DDX11: variants seen among roughly 807,000 people sequenced by gnomAD.
DDX11 encodes ATP-dependent DNA helicase DDX11.
Under a neutral mutation model 125.2 loss-of-function variants are expected in DDX11, and 72 were observed. The observed-to-expected ratio is 0.58, with a 90% CI of 0.48 to 0.70. The LOEUF (loss-of-function observed/expected upper bound fraction) is 0.70. Among genes scored for constraint, DDX11 ranks in the 30% least tolerant of loss-of-function variants. DDX11 has a pLI of 0.00. For synonymous variants in DDX11, 347 were observed against 452.6 expected (o/e 0.77, Z 2.96); for missense variants, 883 against 1,165.0 (o/e 0.76, Z 3.52).
At chr12:31,075,239 C>T (rs1592540577) in intron 1 of DDX11, among the ~76,000 whole-genome samples, 2 of 151,244 alleles carry the variant, frequency 1.3e-5, no homozygotes, top group Middle Eastern at 6.8e-3. Context: ...ATGATTTAGC[C>T]TGTGCTGCTT....
chr12:31,083,808 T>G lies in DDX11; in HGVS notation c.145-5T>G. ...TGTTTCTAAAGATCATTTTTCTTCC[T>G]GCAGGGGAAGTCCTTAAGTCTTATT... On this transcript the variant is annotated splice_region_variant and splice_polypyrimidine_tract_variant and intron_variant, in intron 2 of 26. Coordinates refer to ENST00000542838, the MANE Select transcript of DDX11 (RefSeq NM_030653.4). The G allele has an allele frequency of 1.2e-6, 2 of 1,611,970 alleles. No individual in the cohort carries two copies. The highest frequency in any genetic ancestry group is 1.7e-6 in the Non-Finnish European group (2 of 1,179,820).
Position 31,104,200 on chromosome 12 carries a change from T to C in DDX11, c.*364T>C. The C allele has an allele frequency of 8.9e-7, 1 of 1,126,768 alleles. No homozygotes were observed. The allele number at this position is 1,126,768 out of a possible 1,614,324, so 69.8% of individuals were successfully genotyped here. A position where few individuals can be genotyped will look rare whatever the true frequency, so the allele number is the denominator to read the frequency against. On this transcript the variant is annotated 3_prime_UTR_variant, in exon 27 of 27. Transcript: ENST00000542838. Reference sequence around the variant, plus strand: ...TGGCATCTCCGTCCTGCCCACCTTCTTAAGAGGCGAGATGGAGCAGGCCCA... The same window carrying C: ...TGGCATCTCCGTCCTGCCCACCTTCCTAAGAGGCGAGATGGAGCAGGCCCA...
intron 10 of DDX11, among the ~76,000 whole-genome samples, 164 bp downstream of exon 10, chr12:31,092,035 T>G (rs1944338346): frequency 6.6e-6 from 1 of 152,226 alleles, no homozygotes; most frequent in African/African-American, 2.4e-5. Context: ...GGCTTTCCAG[T>G]GCATCGGGGG....
At chr12:31,092,967 C>T in intron 11 of DDX11, 75 bp downstream of exon 11, 1 of 1,573,686 alleles carries the variant, frequency 6.4e-7, no homozygotes, top group Non-Finnish European at 8.7e-7. Context: ...AGGCAGGCAG[C>T]ACTTTGGTTC....
chr12:31,091,913 G>A (rs779798499), intron 10 of DDX11, 42 bp downstream of exon 10: 4 of 1,613,152 alleles, frequency 2.5e-6, no homozygotes, highest in African/African-American at 1.3e-5. Context: ...CTGCTGTGAC[G>A]TAAAGGGACT....
rs1413495596 is a variant in DDX11 at position 31,089,149 on chromosome 12, C to T, written c.790C>T (p.Gln264Ter). 1.9e-6 allele frequency: 3 copies of T among 1,613,088 alleles called. No homozygotes were observed. The highest frequency in any genetic ancestry group is 2.5e-6 in the Non-Finnish European group (3 of 1,179,056). Residue 264 changes from glutamine to a stop codon, truncating the protein, a stop_gained and splice_region_variant, in exon 7 of 27, where the codon CAG (glutamine) becomes TAG (stop). Coordinates refer to ENST00000542838, the MANE Select transcript of DDX11 (RefSeq NM_030653.4). LOFTEE classifies it high-confidence loss of function. Reference sequence around the variant, plus strand: ...TCGGCTGGTCTCCCTTGGCTCCCGGCAGGTAAACAGTAGCCAGTATTTCCA... The same window carrying T: ...TCGGCTGGTCTCCCTTGGCTCCCGGTAGGTAAACAGTAGCCAGTATTTCCA... Reference protein sequence around the residue: ...DVRLVSLGSRQNLCVNEDVKS... With the variant: ...DVRLVSLGSR
rs578071430 is a variant in DDX11 at position 31,084,771 on chromosome 12, C to A, written c.480+102C>A. 4.0e-5 allele frequency: 46 copies of A among 1,151,228 alleles called. No homozygotes were observed. In the East Asian group the frequency reaches 1.1e-3, roughly 27 times the overall value. The allele number at this position is 1,151,228 out of a possible 1,614,324, so 71.3% of individuals were successfully genotyped here. ...AGGGCCTTGGTCTCCCCTCCGTGAC[C>A]CTCACTGGCTATGTGCTCCCGTACA... On this transcript the variant is annotated intron_variant, in intron 4 of 26. Transcript: ENST00000542838.
chr12:31,082,888 G>A (rs1157997854), intron 2 of DDX11, among the ~76,000 whole-genome samples: 3 of 152,172 alleles, frequency 2.0e-5, no homozygotes, highest in Non-Finnish European at 4.4e-5. Flanking sequence ...TAGGTGGCGT[G>A]TTCTCCTTGG....
chr12:31,077,912 A>G (rs1409526765), intron 1 of DDX11: 2 of 305,976 alleles, frequency 6.5e-6, no homozygotes, highest in East Asian at 1.7e-4. Flanking sequence ...AGCTGTGCTT[A>G]TGGTCCTCTG....
rs1298061286 is a variant in DDX11 at position 31,103,691 on chromosome 12, T to G, written c.2651T>G (p.Val884Gly). ...LPAWIRARVE[V>G]KATFGPAIAA... is the part of the protein sequence containing the mutation. ...GCCTGGATCCGAGCCCGTGTGGAGG[T>G]CAAAGCTACCTTTGGCCCCGCCATT... The change falls in exon 26 of 27, where the codon GTC becomes GGC. Residue 884 changes from valine (V) to glycine (G), a missense_variant. Transcript: ENST00000542838. 1.2e-6 allele frequency: 2 copies of G among 1,613,878 alleles called. No individual in the cohort carries two copies. The highest frequency in any genetic ancestry group is 2.2e-5 in the South Asian group (2 of 91,036).
rs781613151 is a variant in DDX11 at position 31,102,303 on chromosome 12, T to C, written c.2263T>C (p.Cys755Arg). Residue 755 changes from cysteine (C) to arginine (R), a missense_variant, in exon 22 of 27, where the codon TGC becomes CGC. By Grantham distance (180) the Cys-to-Arg change is radical (BLOSUM62 -3). Transcript: ENST00000542838. The part of the protein sequence containing the change: ...VEQVLLAYSR[C>R]IQACGQERGQ... ...GCAGGTGCTGCTGGCATATTCCAGGTGCATCCAGGTGCGGGCGTCATGCTG... is the reference window on the plus strand; with the variant it reads ...GCAGGTGCTGCTGGCATATTCCAGGCGCATCCAGGTGCGGGCGTCATGCTG... 2 of 1,614,130 alleles carry C rather than the reference T, an allele frequency of 1.2e-6. No individual in the cohort carries two copies. The highest frequency in any genetic ancestry group is 3.3e-5 in the Admixed American group (2 of 60,030).
At chr12:31,078,248 G>A in intron 1 of DDX11, 142 bp from the exon 2 acceptor site, 1 of 1,575,180 alleles carries the variant, frequency 6.3e-7, no homozygotes, top group Non-Finnish European at 8.6e-7. Flanking sequence ...GAAGGATGGA[G>A]AGAACATGGT....
chr12:31,075,058 A>G (rs1008421220), intron 1 of DDX11, among the ~76,000 whole-genome samples: 6 of 152,022 alleles, frequency 3.9e-5, no homozygotes, highest in African/African-American at 1.5e-4. Flanking sequence ...TGCTTTCACA[A>G]CTCTAACCTC....
At chr12:31,098,782 A>C (rs1273653622) in intron 18 of DDX11, among the ~76,000 whole-genome samples, 1 of 152,208 alleles carries the variant, frequency 6.6e-6, no homozygotes, top group African/African-American at 2.4e-5. Context: ...AGTTGTTTAC[A>C]GTAATTATTG....
intron 5 of DDX11, chr12:31,086,264 T>C: frequency 2.3e-6 from 1 of 427,684 alleles, no homozygotes; most frequent in Non-Finnish European, 4.7e-6. Context: ...CTCATGCACC[T>C]GCTTGTGCTT....
intron 10 of DDX11, among the ~76,000 whole-genome samples, chr12:31,092,228 G>A (rs1438158380): frequency 1.3e-5 from 2 of 151,980 alleles, no homozygotes; most frequent in Non-Finnish European, 2.9e-5. Context: ...ACTGAATTGA[G>A]GAATGCTCAA....
chr12:31,075,082 G>C (rs974342142), intron 1 of DDX11, among the ~76,000 whole-genome samples: 2 of 152,202 alleles, frequency 1.3e-5, no homozygotes, highest in Non-Finnish European at 2.9e-5. Flanking sequence ...TTATGAGCGT[G>C]AGCTTTGCTG....
Position 31,103,741 on chromosome 12 carries a change from A to C in DDX11, c.2691+10A>C, listed in dbSNP as rs1406310256. 2 of 1,613,468 alleles carry C rather than the reference A, an allele frequency of 1.2e-6. No individual in the cohort carries two copies. Among genetic ancestry groups the C allele is most frequent in the Admixed American group, 3.3e-5 (2 of 60,010 alleles). ...TGCTGCTGTGCAGAAGGTCAGTCCT[A>C]CCTTTTTCTTTCTGAGAGCCTCCCC... On this transcript the variant is annotated intron_variant, in intron 26 of 26. Transcript: ENST00000542838.
At chr12:31,097,747 A>G (rs1317034540) in intron 17 of DDX11, 138 bp from the exon 18 acceptor site, 2 of 674,278 alleles carry the variant, frequency 3.0e-6, no homozygotes, top group Non-Finnish European at 5.5e-6. Flanking sequence ...TGTCCTAGAG[A>G]TTAAATGGTG....
Sources: gnomAD v4.1 joint callset for allele counts (sites outside exome capture counted in the v4.1 genomes callset) on GRCh38, gnomAD v4.1.1 for gene constraint, MANE v1.5 for transcripts, NCBI Gene and HGNC (gene_info 2026-07-23, HGNC 2026-07-21) for gene names.